The following NALF1 variants were observed in gnomAD, a reference collection of about 807,000 sequenced individuals.
The protein encoded by NALF1 is NALCN channel auxiliary factor 1.
NALF1 carries 3 observed loss-of-function variants against 48.4 expected under a neutral mutation model. The ratio of observed to expected loss-of-function variants is 0.06; its 90% CI spans 0.03 to 0.16. NALF1 has a LOEUF of 0.16. NALF1 is among the 10% of genes least tolerant of loss of function. NALF1 has a pLI of 1.00. For synonymous variants in NALF1, 262 were observed against 245.7 expected, an observed-to-expected ratio of 1.07 and a Z score of -0.62; for missense variants, 526 against 571.5, an observed-to-expected ratio of 0.92 and a Z score of 0.81.
At chr13:107,233,898 T>G (rs769364854) in intron 1 of NALF1, among the ~76,000 whole-genome samples, 1 of 152,202 alleles carries the variant, frequency 6.6e-6, no homozygotes. Flanking sequence ...TGATATGACA[T>G]GATTATTACA....
chr13:107,858,927 A>T (rs1352480045), intron 1 of NALF1, among the ~76,000 whole-genome samples: 1 of 152,224 alleles, frequency 6.6e-6, no homozygotes, highest in Non-Finnish European at 1.5e-5. Context: ...AAGAGTTAAT[A>T]CTTAATAATG....
At chr13:107,738,784 C>T (rs922060442) in intron 1 of NALF1, among the ~76,000 whole-genome samples, 1 of 152,012 alleles carries the variant, frequency 6.6e-6, no homozygotes, top group African/African-American at 2.4e-5. Context: ...CTGCCTCAGC[C>T]TCCCGAGTAG....
rs1327852742 is a variant in NALF1, at chr13:107,210,678, C to T, written c.993G>A (p.Lys331=). The T allele has an allele frequency of 3.1e-6, 5 of 1,611,602 alleles. No homozygotes were observed. The highest frequency in any genetic ancestry group is 4.2e-6 in the Non-Finnish European group (5 of 1,177,822). ...TCGTCTGAACCTCCAAACAGTATTG[C>T]TTGCAAGGAATTGTCTTTCTGCAGT... ...QFNCRKTIPC[K]QYCLEVQTRC... is the part of the protein sequence containing the mutation. The change falls in exon 2 of 3, where the codon AAG becomes AAA. Residue 331 remains lysine (K), a synonymous_variant. Coordinates refer to ENST00000375915, the MANE Select transcript of NALF1 (RefSeq NM_001080396.3).
chr13:107,735,573 A>G (rs1247299663), intron 1 of NALF1, among the ~76,000 whole-genome samples: 1 of 152,220 alleles, frequency 6.6e-6, no homozygotes, highest in Non-Finnish European at 1.5e-5. Context: ...AAGAGGTGTA[A>G]GTGGCAAGAA....
chr13:107,545,281 C>T (rs557690064), intron 1 of NALF1, among the ~76,000 whole-genome samples: 67 of 152,314 alleles, frequency 4.4e-4, no homozygotes, highest in East Asian at 1.5e-3. Context: ...AATGCACCCA[C>T]AAGCCAAGGA....
In NALF1 at chr13:107,259,332, T is replaced by G. The variant is rs565493789; in HGVS notation, c.916-48577A>C. ...TCCCAGGGATCTATCACTGAAGAAC[T>G]GAATTCATTGAATTTCTGCGCTGGA... is the stretch of plus-strand genomic sequence containing the variant. On this transcript the variant is annotated intron_variant, in intron 1 of 2. Transcript: ENST00000375915. Among the ~76,000 whole-genome samples, 3 of 152,328 alleles carry G rather than the reference T, an allele frequency of 2.0e-5. No homozygotes were observed. In the East Asian group the frequency reaches 5.8e-4, roughly 29 times the overall value.
chr13:107,790,120 T>C (rs1165807401), intron 1 of NALF1, among the ~76,000 whole-genome samples: 1 of 152,172 alleles, frequency 6.6e-6, no homozygotes, highest in African/African-American at 2.4e-5. Flanking sequence ...GGTTCAGACA[T>C]AATATTTAAG....
In NALF1 at chr13:107,253,673, G is replaced by A. The variant is rs151123346; in HGVS notation, c.916-42918C>T. 3.8e-3 allele frequency among the ~76,000 whole-genome samples: 577 copies of A among 152,172 alleles called. 11 individuals carry two copies. Among genetic ancestry groups the A allele is most frequent in the Non-Finnish European group, 3.1e-3 (209 of 68,010 alleles). ...GCCTATTTATCTAACTTAACCTCCC[G>A]TTCCTCTCTACCTTGTATTTGTTTC... On this transcript the variant is annotated intron_variant, in intron 1 of 2. Coordinates refer to ENST00000375915, the MANE Select transcript of NALF1 (RefSeq NM_001080396.3).
At chr13:107,725,706 G>C (rs1255588940) in intron 1 of NALF1, among the ~76,000 whole-genome samples, 1 of 147,012 alleles carries the variant, frequency 6.8e-6, no homozygotes, top group Non-Finnish European at 1.5e-5. Flanking sequence ...AAAAAAAAGT[G>C]AACTGAACTG....
chr13:107,848,186 C>T (rs974708753), intron 1 of NALF1, among the ~76,000 whole-genome samples: 1 of 152,142 alleles, frequency 6.6e-6, no homozygotes, highest in Non-Finnish European at 1.5e-5. Context: ...AAACTGTTAA[C>T]CTTTAACTGT....
At chr13:107,827,285 A>G (rs1218914289) in intron 1 of NALF1, among the ~76,000 whole-genome samples, 4 of 152,218 alleles carry the variant, frequency 2.6e-5, no homozygotes, top group African/African-American at 9.6e-5. Context: ...CTTCTCAACT[A>G]AACTTGCAGA....
At chr13:107,863,708 T>C (rs769664388) in intron 1 of NALF1, among the ~76,000 whole-genome samples, 20 of 152,186 alleles carry the variant, frequency 1.3e-4, no homozygotes, top group Non-Finnish European at 2.5e-4. Flanking sequence ...AATAACGTTA[T>C]AAATGAGTTA....
intron 1 of NALF1, among the ~76,000 whole-genome samples, chr13:107,827,973 C>T (rs371138314): frequency 2.6e-5 from 4 of 152,104 alleles, no homozygotes; most frequent in African/African-American, 9.7e-5. Context: ...AAACTGCAGC[C>T]GTCAGCGGTA....
intron 1 of NALF1, among the ~76,000 whole-genome samples, chr13:107,480,563 AC>A (rs1269827857): frequency 6.6e-5 from 10 of 152,118 alleles, no homozygotes; most frequent in African/African-American, 1.2e-4. Flanking sequence ...ATATACTAAC[AC>A]TAATGACAGC....
intron 1 of NALF1, among the ~76,000 whole-genome samples, chr13:107,756,745 T>C (rs1220319584): frequency 6.6e-6 from 1 of 152,054 alleles, no homozygotes; most frequent in Non-Finnish European, 1.5e-5. Flanking sequence ...AAAGAGGGTG[T>C]GTGCTCAATG....
chr13:107,770,114 C>G (rs901612684), intron 1 of NALF1, among the ~76,000 whole-genome samples: 1 of 152,078 alleles, frequency 6.6e-6, no homozygotes. Context: ...GGGGTTTCGC[C>G]GTGTTAGCCA....
At chr13:107,666,136 T>C (rs904444404) in intron 1 of NALF1, among the ~76,000 whole-genome samples, 3 of 152,160 alleles carry the variant, frequency 2.0e-5, no homozygotes, top group Admixed American at 6.6e-5. Flanking sequence ...AAGGACTCTG[T>C]GGTGAAGTTT....
chr13:107,679,331 A>T (rs7317869), intron 1 of NALF1, among the ~76,000 whole-genome samples: 1 of 152,314 alleles, frequency 6.6e-6, no homozygotes, highest in African/African-American at 2.4e-5. Flanking sequence ...GATAGGATAC[A>T]AAGTGTTTTT....
At chr13:107,539,045 T>C (rs552078781) in intron 1 of NALF1, among the ~76,000 whole-genome samples, 1 of 150,002 alleles carries the variant, frequency 6.7e-6, no homozygotes, top group South Asian at 2.1e-4. Context: ...TAGGTATACA[T>C]TAGTAAACAA....
Sources: gnomAD v4.1 joint callset for allele counts (sites outside exome capture counted in the v4.1 genomes callset) on GRCh38, gnomAD v4.1.1 for gene constraint, MANE v1.5 for transcripts, NCBI Gene and HGNC (gene_info 2026-07-23, HGNC 2026-07-21) for gene names.